ZC3H13: variants seen among roughly 807,000 people sequenced by gnomAD.
ZC3H13 encodes the protein zinc finger CCCH-type containing 13, also known as zinc finger CCCH domain-containing protein 13.
ZC3H13 carries 64 observed loss-of-function variants against 204.1 expected under a neutral mutation model. The observed-to-expected ratio is 0.31, with a 90% CI of 0.26 to 0.39. ZC3H13 has a LOEUF of 0.39. Among genes scored for constraint, ZC3H13 ranks in the 10% least tolerant of loss-of-function variants. The pLI is 1.00. For synonymous variants in ZC3H13, 667 were observed against 693.7 expected, an observed-to-expected ratio of 0.96 and a Z score of 0.60; for missense variants, 1,833 against 2,082.7, an observed-to-expected ratio of 0.88 and a Z score of 2.33.
At chr13:46,015,236 AT>A (rs1388498816) in intron 5 of ZC3H13, among the ~76,000 whole-genome samples, 2 of 152,098 alleles carry the variant, frequency 1.3e-5, no homozygotes, top group East Asian at 3.9e-4. Flanking sequence ...TTTCATCAGT[AT>A]TTCCCTGCAG....
intron 4 of ZC3H13, among the ~76,000 whole-genome samples, chr13:46,032,501 C>G (rs1374260900): frequency 6.6e-6 from 1 of 151,714 alleles, no homozygotes; most frequent in Non-Finnish European, 1.5e-5. Flanking sequence ...ATGAAATTGG[C>G]AAAAAGACAA....
intron 15 of ZC3H13, among the ~76,000 whole-genome samples, chr13:45,965,754 T>A (rs1398357737): frequency 2.0e-5 from 3 of 152,200 alleles, no homozygotes; most frequent in Non-Finnish European, 4.4e-5. Context: ...TTTTTGATAA[T>A]TTAAAACTTT....
chr13:46,020,716 T>C, intron 4 of ZC3H13, among the ~76,000 whole-genome samples, 159 bp from the exon 5 acceptor site: 1 of 152,100 alleles, frequency 6.6e-6, no homozygotes, highest in South Asian at 2.1e-4. Context: ...AAGTGACAAA[T>C]TCTAGTTTAG....
rs1342976351 is a variant in ZC3H13, at chr13:45,969,603, T to C, written c.2941A>G (p.Asn981Asp). 1.2e-6 allele frequency: 2 copies of C among 1,611,612 alleles called. No homozygotes were observed. Among genetic ancestry groups the C allele is most frequent in the South Asian group, 2.2e-5 (2 of 90,176 alleles). The stretch of plus-strand genomic sequence containing the variant: ...CCATCTTCAGATGTTGTCTCTATGT[T>C]ACCCCTCTCTATTCCAACATCATCC... ...KEDDVGIERG[N>D]IETTSEDGQV... The change falls in exon 14 of 19, where the codon AAC becomes GAC. Residue 981 changes from asparagine to aspartate, a missense_variant. This residue lies in a region of ZC3H13 where 1,574 missense variants were observed against 1,757.2 expected (regional missense o/e 0.90). Coordinates refer to ENST00000679008, the MANE Select transcript of ZC3H13 (RefSeq NM_001330564.2).
chr13:46,023,505 C>T (rs1165419914), intron 4 of ZC3H13, among the ~76,000 whole-genome samples: 2 of 152,106 alleles, frequency 1.3e-5, no homozygotes, highest in African/African-American at 4.8e-5. Context: ...GGCTAGTGTG[C>T]TTCAATGAAA....
chr13:46,052,423 C>A lies in ZC3H13; in HGVS notation c.-29G>T. The A allele has an allele frequency of 2.5e-6, 1 of 397,760 alleles. No individual in the cohort carries two copies. The highest frequency in any genetic ancestry group is 1.4e-4 in the South Asian group (1 of 7,370). 24.6% of individuals were successfully genotyped at this position (397,760 alleles called of 1,614,324 possible). A position where few individuals can be genotyped will look rare whatever the true frequency, so the allele number is the denominator to read the frequency against. On this transcript the variant is annotated 5_prime_UTR_variant, in exon 1 of 19. Coordinates refer to ENST00000679008, the MANE Select transcript of ZC3H13 (RefSeq NM_001330564.2). ...GCTTACTTCCTCCCCAAGCTCCCTTCGCAAGTGCAGTCCGGAGGCACCACC... is the reference window on the plus strand; with the variant it reads ...GCTTACTTCCTCCCCAAGCTCCCTTAGCAAGTGCAGTCCGGAGGCACCACC...
rs189332713 is a variant in ZC3H13, at chr13:46,031,920, T to G, written c.339+10244A>C. Among the ~76,000 whole-genome samples the G allele has an allele frequency of 3.3e-4, 51 of 152,358 alleles. 1 individual carries two copies. The East Asian group carries it at 9.1e-3, about 27-fold the overall frequency. On this transcript the variant is annotated intron_variant, in intron 4 of 18. Transcript: ENST00000679008. ...CCATATGATCCATTAATTATACTCC[T>G]ATTTACCCAAAGAAGTTGAAAACAT...
chr13:45,995,871 T>C (rs2040297452), intron 8 of ZC3H13, among the ~76,000 whole-genome samples: 1 of 152,226 alleles, frequency 6.6e-6, no homozygotes. Context: ...CTGATCCAAC[T>C]ACTATCAAGT....
intron 4 of ZC3H13, among the ~76,000 whole-genome samples, chr13:46,037,571 T>A (rs748434168): frequency 3.9e-5 from 6 of 152,162 alleles, no homozygotes; most frequent in Non-Finnish European, 8.8e-5. Context: ...AAAATGAAAA[T>A]ACAATTCCAT....
intron 1 of ZC3H13, among the ~76,000 whole-genome samples, chr13:46,048,265 C>T (rs565258246): frequency 1.6e-4 from 25 of 152,258 alleles, no homozygotes; most frequent in African/African-American, 5.5e-4. Context: ...CTCTCCAATC[C>T]TAGACTCCCT....
chr13:46,012,259 T>A (rs181082908), intron 5 of ZC3H13, among the ~76,000 whole-genome samples: 1 of 152,234 alleles, frequency 6.6e-6, no homozygotes, highest in Admixed American at 6.5e-5. Flanking sequence ...GGTGTGTAGA[T>A]CTATTTCATT....
At chr13:46,038,166 C>A (rs2043328186) in intron 4 of ZC3H13, among the ~76,000 whole-genome samples, 1 of 108,388 alleles carries the variant, frequency 9.2e-6, no homozygotes, top group African/African-American at 4.1e-5. Flanking sequence ...TCTACTTCAG[C>A]CTTCATCTCA....
intron 8 of ZC3H13, among the ~76,000 whole-genome samples, chr13:45,998,293 A>G (rs1199808976): frequency 3.3e-5 from 5 of 152,188 alleles, no homozygotes; most frequent in Non-Finnish European, 7.4e-5. Context: ...TTCCTAGTAC[A>G]CACACAAGTT....
intron 1 of ZC3H13, among the ~76,000 whole-genome samples, chr13:46,047,782 AAT>A (rs1361303389): frequency 2.6e-5 from 4 of 152,242 alleles, no homozygotes; most frequent in Non-Finnish European, 4.4e-5. Context: ...TTAATATACA[AAT>A]ATAGAGTAAT....
intron 7 of ZC3H13, among the ~76,000 whole-genome samples, chr13:46,006,514 T>C (rs1025300282): frequency 3.3e-5 from 5 of 151,380 alleles, no homozygotes; most frequent in Admixed American, 6.6e-5. Context: ...TTAACGTTTC[T>C]GTGTAAGCCA....
chr13:45,997,226 T>A lies in ZC3H13; in HGVS notation c.944+5913A>T, dbSNP rs1201111294. Among the ~76,000 whole-genome samples the A allele has an allele frequency of 5.3e-5, 8 of 152,196 alleles. 1 individual carries two copies. Among genetic ancestry groups the A allele is most frequent in the Admixed American group, 5.2e-4 (8 of 15,274 alleles). On this transcript the variant is annotated intron_variant, in intron 8 of 18. Transcript: ENST00000679008. The stretch of plus-strand genomic sequence containing the variant: ...GGGCCGAAGTCTCCAAATTATTCAA[T>A]TAAAAATTAACCACATGATAGAATT...
chr13:45,999,891 G>A (rs1162862056), intron 8 of ZC3H13, among the ~76,000 whole-genome samples: 3 of 152,156 alleles, frequency 2.0e-5, no homozygotes, highest in Non-Finnish European at 2.9e-5. Context: ...TTGTCTTAGC[G>A]AGCATGAAAC....
At chr13:46,048,796 C>T (rs958724334) in intron 1 of ZC3H13, among the ~76,000 whole-genome samples, 5 of 151,924 alleles carry the variant, frequency 3.3e-5, no homozygotes, top group African/African-American at 7.3e-5. Flanking sequence ...CTTGCAGCTA[C>T]TACTGTACTG....
At chr13:45,973,142 T>C (rs1412777716) in intron 12 of ZC3H13, among the ~76,000 whole-genome samples, 1 of 152,224 alleles carries the variant, frequency 6.6e-6, no homozygotes, top group Non-Finnish European at 1.5e-5. Flanking sequence ...TGATGTGTTA[T>C]ATATCAAGAG....
Sources: gnomAD v4.1 joint callset for allele counts (sites outside exome capture counted in the v4.1 genomes callset) on GRCh38, gnomAD v4.1.1 for gene constraint, gnomAD v4.1.1 regional missense constraint, MANE v1.5 for transcripts, NCBI Gene and HGNC (gene_info 2026-07-23, HGNC 2026-07-21) for gene names.